Variants in CIITA observed in about 807,000 individuals in gnomAD.
The protein encoded by CIITA is class II major histocompatibility complex transactivator.
A neutral mutation model predicts 115.1 loss-of-function variants in CIITA; 72 were observed. The observed-to-expected ratio is 0.63, with a 90% CI of 0.52 to 0.76. CIITA has a LOEUF of 0.76. Ranked by LOEUF, CIITA falls within the 30% of genes least tolerant of loss-of-function variation. The pLI is 0.00. For synonymous variants in CIITA, 763 were observed against 635.6 expected (o/e 1.20, Z -3.02); for missense variants, 1,617 against 1,463.8 (o/e 1.10, Z -1.71).
At chr16:10,910,306 C>T (rs749252220) in intron 13 of CIITA, 47 bp downstream of exon 13, 2 of 1,511,908 alleles carry the variant, frequency 1.3e-6, no homozygotes, top group Admixed American at 1.7e-5. Flanking sequence ...AAGGTTTCCC[C>T]TGCAGCATTA....
chr16:10,917,242 C>A (rs1250477218), intron 15 of CIITA, among the ~76,000 whole-genome samples: 2 of 152,184 alleles, frequency 1.3e-5, no homozygotes, highest in Non-Finnish European at 2.9e-5. Context: ...GTGGTGTAAT[C>A]ATGGCTCACT....
Position 10,942,584 on chromosome 16 carries a change from C to T in CIITA, n.1710C>T, listed in dbSNP as rs1484596206. 6.6e-6 allele frequency: 1 copy of T among 152,338 alleles called. No homozygotes were observed. The highest frequency in any genetic ancestry group is 1.5e-5 in the Non-Finnish European group (1 of 68,114). 9.4% of individuals were successfully genotyped at this position (152,338 alleles called of 1,614,324 possible). On this transcript the variant is annotated non_coding_transcript_exon_variant, in exon 2 of 2. Transcript: ENST00000573379. The surrounding 1 kb of genome is among the most constrained non-coding windows in gnomAD (Gnocchi z 5.0). ...TCCGGCCGCCAGGGGGCGGGTACCGCTTCGCTCCGCCCCTCGGGGCCCTAG... is the reference window on the plus strand; with the variant it reads ...TCCGGCCGCCAGGGGGCGGGTACCGTTTCGCTCCGCCCCTCGGGGCCCTAG...
At chr16:10,866,392 C>A (rs1354084526) in intron 1 of CIITA, 1 of 566,852 alleles carries the variant, frequency 1.8e-6, no homozygotes, top group Admixed American at 1.9e-5. Context: ...GAAGGAGGAC[C>A]TCCTCTCCAG....
intron 16 of CIITA, among the ~76,000 whole-genome samples, chr16:10,919,933 A>G (rs138682122): frequency 2.6e-5 from 4 of 152,320 alleles, no homozygotes; most frequent in African/African-American, 9.6e-5. Context: ...CCAGGAGGGT[A>G]CAGGACTTCT....
At chr16:10,902,882 C>A in intron 8 of CIITA, 81 bp downstream of exon 8, 3 of 1,541,752 alleles carry the variant, frequency 1.9e-6, no homozygotes, top group Non-Finnish European at 2.7e-6. Context: ...ATACTCCATG[C>A]ACTTGGCAGT....
At chr16:10,876,230 G>A (rs1218401425), upstream of CIITA, among the ~76,000 whole-genome samples, 1 of 152,144 alleles carries the variant, frequency 6.6e-6, no homozygotes, top group Admixed American at 6.5e-5. Context: ...GCCCAGGCTA[G>A]CCTCCAACTC....
intron 1 of CIITA, among the ~76,000 whole-genome samples, chr16:10,870,129 A>T (rs978689350): frequency 7.3e-6 from 1 of 137,030 alleles, no homozygotes; most frequent in Non-Finnish European, 1.5e-5. Flanking sequence ...GAGGGAGACT[A>T]TGGGGTCTCA....
At chr16:10,908,862 A>G in intron 11 of CIITA, 167 bp from the exon 12 acceptor site, 2 of 895,664 alleles carry the variant, frequency 2.2e-6, no homozygotes, top group South Asian at 2.8e-5. Flanking sequence ...GTGAGAAAGT[A>G]GGAATCAATA....
In CIITA at chr16:10,917,668, C is replaced by T. The variant is rs549495872; in HGVS notation, c.3063-772C>T. On this transcript the variant is annotated intron_variant, in intron 15 of 19. Coordinates refer to ENST00000324288, the MANE Select transcript of CIITA (RefSeq NM_000246.4). Reference sequence around the variant, plus strand: ...CTAATTTTTGTATTTTTAGTAGAGACGGGGTTTCACCAGGTTGGCCAGGCT... The same window carrying T: ...CTAATTTTTGTATTTTTAGTAGAGATGGGGTTTCACCAGGTTGGCCAGGCT... Among the ~76,000 whole-genome samples the T allele has an allele frequency of 6.6e-5, 10 of 151,974 alleles. No homozygotes were observed. The East Asian group carries it at 9.7e-4, about 15-fold the overall frequency.
At chr16:10,878,023 C>T (rs12932187) in intron 1 of CIITA, among the ~76,000 whole-genome samples, 6 of 152,146 alleles carry the variant, frequency 3.9e-5, no homozygotes, top group African/African-American at 1.2e-4. Context: ...TTTACATTCT[C>T]GAGTCAATTT....
At position 10,905,068 on chromosome 16, in the gene CIITA, G is replaced by A. The variant is rs1025148987; in HGVS notation, c.1006+256G>A. Among the ~76,000 whole-genome samples the A allele has an allele frequency of 3.3e-5, 5 of 152,326 alleles. No individual in the cohort carries two copies. In the East Asian group the frequency reaches 9.6e-4, roughly 29 times the overall value. On this transcript the variant is annotated intron_variant, in intron 10 of 19. Transcript: ENST00000324288. ...TGTTAACACTTCATTGTCAGGCTGA[G>A]AGAATGAATGAGGGGCAAGCGAATG...
intron 1 of CIITA, among the ~76,000 whole-genome samples, chr16:10,891,588 A>C (rs1469281736): frequency 6.6e-6 from 1 of 152,176 alleles, no homozygotes; most frequent in Non-Finnish European, 1.5e-5. Context: ...ACGAGATCAC[A>C]CTGCCTCAAA....
chr16:10,881,256 C>T (rs2036402118), intron 1 of CIITA, among the ~76,000 whole-genome samples: 2 of 151,666 alleles, frequency 1.3e-5, no homozygotes, highest in Non-Finnish European at 2.9e-5. Context: ...TGAGATTGCA[C>T]CACTGCACGC....
chr16:10,874,615 C>T (rs9302456), upstream of CIITA, among the ~76,000 whole-genome samples: 39,452 of 152,160 alleles, frequency 0.26, 6,102 homozygotes, highest in Middle Eastern at 0.42. Flanking sequence ...GCTCAGAGAC[C>T]TGCACCGACA....
intron 1 of CIITA, chr16:10,888,721 T>C (rs2037213946): frequency 6.6e-6 from 1 of 152,270 alleles, no homozygotes; most frequent in Non-Finnish European, 1.5e-5. Flanking sequence ...CTAAAAATAC[T>C]GCCCATTTAC....
intron 1 of CIITA, among the ~76,000 whole-genome samples, chr16:10,891,345 C>A (rs771231279): frequency 3.3e-5 from 5 of 152,034 alleles, no homozygotes; most frequent in Non-Finnish European, 7.4e-5. Context: ...CACGTCCTTC[C>A]CGGGGTCTCA....
intron 15 of CIITA, 80 bp downstream of exon 15, chr16:10,916,539 GT>G (rs1020318009): frequency 1.6e-6 from 2 of 1,281,916 alleles, no homozygotes; most frequent in Non-Finnish European, 2.2e-6. Context: ...ATTTAAATTT[GT>G]TTTTTTAGAC....
chr16:10,908,622 G>T (rs567959686), intron 11 of CIITA: 5 of 434,938 alleles, frequency 1.1e-5, no homozygotes, highest in Non-Finnish European at 2.1e-5. Flanking sequence ...CAATCCTTCA[G>T]GGACACTCCA....
intron 13 of CIITA, among the ~76,000 whole-genome samples, chr16:10,910,715 A>G (rs74409908): frequency 3.9e-5 from 6 of 152,210 alleles, no homozygotes; most frequent in African/African-American, 7.2e-5. Context: ...AAAAGGCCCA[A>G]TGTGTCCCCA....
Sources: gnomAD v4.1 joint callset for allele counts (sites outside exome capture counted in the v4.1 genomes callset) on GRCh38, gnomAD v4.1.1 for gene constraint, Gnocchi (gnomAD v3.1) non-coding constraint, MANE v1.5 for transcripts, NCBI Gene and HGNC (gene_info 2026-07-23, HGNC 2026-07-21) for gene names.